RDH10: variants seen among roughly 807,000 people sequenced by gnomAD.
RDH10 encodes retinol dehydrogenase 10 (all-trans).
RDH10 carries 12 observed loss-of-function variants against 30.2 expected under a neutral mutation model. That is an observed-to-expected ratio of 0.40 (90% confidence interval 0.25 to 0.64). The LOEUF is 0.64. Ranked by LOEUF, RDH10 falls within the 30% of genes least tolerant of loss-of-function variation. The pLI, the probability that RDH10 is intolerant of heterozygous loss-of-function variation, is 0.43. For missense variants in RDH10, 268 were observed against 445.2 expected (o/e 0.60, Z 3.58); for synonymous variants, 189 against 172.2 (o/e 1.10, Z -0.76).
At chr8:73,304,007 A>G (rs1467286237) in intron 2 of RDH10, among the ~76,000 whole-genome samples, 1 of 152,176 alleles carries the variant, frequency 6.6e-6, no homozygotes, top group African/African-American at 2.4e-5. Flanking sequence ...AACCTAAATG[A>G]AAAAAACAGC....
intron 2 of RDH10, chr8:73,312,912 C>T (rs1481792893): frequency 6.6e-6 from 1 of 152,196 alleles, no homozygotes; most frequent in Admixed American, 6.5e-5. Flanking sequence ...TTTTCTTGAT[C>T]ACAGGACAGT....
chr8:73,316,375 A>G (rs1814664203), intron 2 of RDH10, among the ~76,000 whole-genome samples: 2 of 152,220 alleles, frequency 1.3e-5, no homozygotes, highest in Admixed American at 6.5e-5. Flanking sequence ...CTTTATTTCA[A>G]TTCTGTGATA....
At chr8:73,316,835 C>T (rs183417191) in intron 2 of RDH10, among the ~76,000 whole-genome samples, 58 of 152,200 alleles carry the variant, frequency 3.8e-4, no homozygotes, top group Admixed American at 2.5e-3. Context: ...GGGCTGCACA[C>T]GTTTAAACAA....
rs762330380 is a variant in RDH10, at chr8:73,322,961, G to C, written c.951G>C (p.Ala317=). The part of the protein sequence containing the change: ...AVVCMYRFLG[A]DKCMYPFIAQ... ...TGTGCATGTATCGGTTCCTAGGAGC[G>C]GACAAGTGTATGTACCCCTTTATTG... The change falls in exon 6 of 6, where the codon GCG becomes GCC. Residue 317 remains alanine (A), a synonymous_variant. Coordinates refer to ENST00000240285, the MANE Select transcript of RDH10 (RefSeq NM_172037.5). 6 of 1,613,778 alleles carry C rather than the reference G, an allele frequency of 3.7e-6. No homozygotes were observed.
rs925494127 is a variant in RDH10, at chr8:73,324,311, TG to T, written c.*1276del. 47 of 152,800 alleles carry T rather than the reference TG, an allele frequency of 3.1e-4. No homozygotes were observed. Among genetic ancestry groups the T allele is most frequent in the African/African-American group, 1.1e-3 (47 of 41,590 alleles). 9.5% of individuals were successfully genotyped at this position (152,800 alleles called of 1,614,324 possible). On this transcript the variant is annotated 3_prime_UTR_variant, in exon 6 of 6. Transcript: ENST00000240285. ...AAATGACATTTTTACAGTATTTTTTTGTAAAGCAAACTATTTTGTGCCTTGA... is the reference window on the plus strand; with the variant it reads ...AAATGACATTTTTACAGTATTTTTTTTAAAGCAAACTATTTTGTGCCTTGA...
chr8:73,315,484 G>A (rs557817106), intron 2 of RDH10: 33 of 393,866 alleles, frequency 8.4e-5, no homozygotes, highest in African/African-American at 6.3e-4. Context: ...AAGAAGGGGA[G>A]GGGATATTAA....
intron 4 of RDH10, chr8:73,322,007 T>C (rs569026414): frequency 3.1e-5 from 14 of 456,208 alleles, no homozygotes; most frequent in African/African-American, 1.8e-4. Flanking sequence ...TCCTCTTATG[T>C]ACTTGGGAAG....
At chr8:73,312,869 A>G (rs1431558656) in intron 2 of RDH10, 2 of 152,244 alleles carry the variant, frequency 1.3e-5, no homozygotes, top group Non-Finnish European at 1.5e-5. Context: ...AATAAGAGAT[A>G]AACATTTCAA....
intron 2 of RDH10, chr8:73,297,695 T>G (rs1026103071): frequency 3.1e-6 from 1 of 323,898 alleles, no homozygotes; most frequent in African/African-American, 2.4e-5. Context: ...GCCATAAAAA[T>G]AACACGAAGG....
chr8:73,320,716 G>A (rs1814756763), intron 3 of RDH10, among the ~76,000 whole-genome samples: 1 of 151,970 alleles, frequency 6.6e-6, no homozygotes, highest in Admixed American at 6.6e-5. Context: ...AAGTGATCCA[G>A]CCACCTCGGC....
intron 2 of RDH10, among the ~76,000 whole-genome samples, chr8:73,308,229 A>G (rs1261234838): frequency 1.3e-5 from 2 of 152,190 alleles, no homozygotes; most frequent in African/African-American, 4.8e-5. Context: ...TCATTTTGTT[A>G]GCTTATCTCC....
chr8:73,323,209 G>C lies in RDH10; in HGVS notation c.*173G>C. On this transcript the variant is annotated 3_prime_UTR_variant, in exon 6 of 6. Transcript: ENST00000240285. ...TAACCGACTAGAGTACTTGGAAAAT[G>C]TGATCAGTACAAGTGAACTTAGGTT... The C allele has an allele frequency of 1.8e-6, 1 of 568,494 alleles. No homozygotes were observed. The highest frequency in any genetic ancestry group is 4.9e-4 in the Middle Eastern group (1 of 2,036). 35.2% of individuals were successfully genotyped at this position (568,494 alleles called of 1,614,324 possible).
In RDH10 at chr8:73,323,113, G is replaced by T; in HGVS notation, c.*77G>T. The T allele has an allele frequency of 8.8e-7, 1 of 1,135,942 alleles. No homozygotes were observed. The highest frequency in any genetic ancestry group is 1.3e-5 in the South Asian group (1 of 76,984). 70.4% of individuals were successfully genotyped at this position (1,135,942 alleles called of 1,614,324 possible). On this transcript the variant is annotated 3_prime_UTR_variant, in exon 6 of 6. Transcript: ENST00000240285. ...CAGTCCAGTGCACATCAGCATTGCT[G>T]ACATTTTATGGATTCTAAACTTGTG...
intron 3 of RDH10, among the ~76,000 whole-genome samples, chr8:73,320,446 TTTTTG>T (rs1361134863): frequency 6.6e-4 from 83 of 125,114 alleles, no homozygotes; most frequent in Admixed American, 2.7e-3. Flanking sequence ...TTGTGTTTTT[TTTTTG>T]TTTTTGTTTT....
intron 2 of RDH10, among the ~76,000 whole-genome samples, chr8:73,304,910 G>C (rs1391394454): frequency 6.6e-6 from 1 of 152,194 alleles, no homozygotes; most frequent in African/African-American, 2.4e-5. Flanking sequence ...GCCCTTTCTT[G>C]TTTGATCATG....
chr8:73,305,355 G>C (rs1329852906), intron 2 of RDH10, among the ~76,000 whole-genome samples: 1 of 152,208 alleles, frequency 6.6e-6, no homozygotes, highest in Non-Finnish European at 1.5e-5. Context: ...AGCCTCACCT[G>C]AGAGTTAGAT....
Position 73,322,958 on chromosome 8 carries a change from A to T in RDH10, c.948A>T (p.Gly316=). Residue 316 remains glycine, a synonymous_variant, in exon 6 of 6, where the codon GGA becomes GGT. Coordinates refer to ENST00000240285, the MANE Select transcript of RDH10 (RefSeq NM_172037.5). ...TTGTGTGCATGTATCGGTTCCTAGG[A>T]GCGGACAAGTGTATGTACCCCTTTA... The part of the protein sequence containing the change: ...EAVVCMYRFL[G]ADKCMYPFIA... 1 of 1,614,154 alleles carries T rather than the reference A, an allele frequency of 6.2e-7. No homozygotes were observed. The highest frequency in any genetic ancestry group is 1.1e-5 in the South Asian group (1 of 91,086).
chr8:73,324,098 T>G lies in RDH10; in HGVS notation c.*1062T>G, dbSNP rs1045151504. 1.0e-4 allele frequency: 16 copies of G among 152,674 alleles called. No individual in the cohort carries two copies. The highest frequency in any genetic ancestry group is 3.9e-4 in the African/African-American group (16 of 41,472). 9.5% of individuals were successfully genotyped at this position (152,674 alleles called of 1,614,324 possible). ...AGTTGCTGTGTTTCATTTCTTTGGA[T>G]GGACTCTTATCTAGAATACATAGCA... On this transcript the variant is annotated 3_prime_UTR_variant, in exon 6 of 6. Coordinates refer to ENST00000240285, the MANE Select transcript of RDH10 (RefSeq NM_172037.5).
rs867212084 is a variant in RDH10 at position 73,295,314 on chromosome 8, G to A, written c.25G>A (p.Val9Met). The stretch of plus-strand genomic sequence containing the variant: ...GATGAACATCGTGGTGGAGTTCTTC[G>A]TGGTCACTTTCAAAGTGCTCTGGGC... Reference protein sequence around the residue: MNIVVEFFVVTFKVLWAFV... With the variant: MNIVVEFFMVTFKVLWAFV... The change falls in exon 1 of 6, where the codon GTG becomes ATG. Residue 9 changes from valine (V) to methionine (M), a missense_variant. Physicochemically the swap from Val to Met is conservative, Grantham distance 21. This residue lies in a region of RDH10 where 44 missense variants were observed against 42.1 expected (regional missense o/e 1.04). Coordinates refer to ENST00000240285, the MANE Select transcript of RDH10 (RefSeq NM_172037.5). 6 of 1,566,694 alleles carry A rather than the reference G, an allele frequency of 3.8e-6. No homozygotes were observed. Among genetic ancestry groups the A allele is most frequent in the Non-Finnish European group, 5.2e-6 (6 of 1,158,128 alleles).
Sources: gnomAD v4.1 joint callset for allele counts (sites outside exome capture counted in the v4.1 genomes callset) on GRCh38, gnomAD v4.1.1 for gene constraint, gnomAD v4.1.1 regional missense constraint, MANE v1.5 for transcripts, NCBI Gene and HGNC (gene_info 2026-07-23, HGNC 2026-07-21) for gene names.